Variants in TRIM37 observed in about 807,000 individuals in gnomAD.
TRIM37 encodes E3 ubiquitin-protein ligase TRIM37.
A neutral mutation model predicts 129.8 loss-of-function variants in TRIM37; 80 were observed. The observed-to-expected ratio is 0.62, with a 90% confidence interval of 0.51 to 0.74. The LOEUF (loss-of-function observed/expected upper bound fraction) is 0.74, where lower values mean the gene tolerates loss of function less well. Ranked by LOEUF, TRIM37 falls within the 30% of genes least tolerant of loss-of-function variation. TRIM37 has a pLI of 0.00. For missense variants in TRIM37, 1,054 were observed against 1,176.5 expected (o/e 0.90, Z 1.52); for synonymous variants, 389 against 387.1 (o/e 1.00, Z -0.06).
chr17:58,970,019 G>A, the TRIM37 span, among the ~76,000 whole-genome samples: 1 of 152,090 alleles, frequency 6.6e-6, no homozygotes, highest in African/African-American at 2.4e-5. Context: ...ATTCACCATT[G>A]CCTGTCAGGT....
chr17:59,093,497 T>C (rs1249405236), intron 2 of TRIM37, among the ~76,000 whole-genome samples: 3 of 152,232 alleles, frequency 2.0e-5, no homozygotes, highest in African/African-American at 7.2e-5. Flanking sequence ...TCCAAAAAGC[T>C]TTCCCTGACA....
chr17:59,058,334 G>C (rs867913328), intron 12 of TRIM37, among the ~76,000 whole-genome samples: 8 of 152,156 alleles, frequency 5.3e-5, no homozygotes, highest in African/African-American at 1.7e-4. Flanking sequence ...TAAATGATGA[G>C]AACTTATGAA....
At chr17:59,069,260 T>C (rs1468969422) in intron 9 of TRIM37, among the ~76,000 whole-genome samples, 6 of 151,838 alleles carry the variant, frequency 4.0e-5, no homozygotes, top group African/African-American at 1.2e-4. Context: ...GGTGTGAGAA[T>C]TGCTTGAATC....
In TRIM37 at chr17:59,057,082, T is replaced by C. The variant is rs758819924; in HGVS notation, c.1020-28A>G. On this transcript the variant is annotated intron_variant, in intron 12 of 23. Transcript: ENST00000262294. The stretch of plus-strand genomic sequence containing the variant: ...AAAATTGAAAAACAGACCATTACTA[T>C]ACAGTTAGTAAAGTAAGAATAAAAA... 7 of 1,596,042 alleles carry C rather than the reference T, an allele frequency of 4.4e-6. No individual in the cohort carries two copies. The Middle Eastern group carries it at 5.0e-4, about 114-fold the overall frequency.
At chr17:58,991,245 A>G (rs1019915899) in intron 24 of TRIM37, among the ~76,000 whole-genome samples, 5 of 151,758 alleles carry the variant, frequency 3.3e-5, no homozygotes, top group African/African-American at 1.2e-4. Context: ...CTAAACAGTT[A>G]AAGAATAAGG....
chr17:58,980,765 T>C, downstream of TRIM37: 2 of 1,614,156 alleles, frequency 1.2e-6, no homozygotes, highest in Middle Eastern at 1.6e-4. This position sits in a 1 kb window ranked among gnomAD's most constrained non-coding sequence, Gnocchi z 4.7. Flanking sequence ...TTCTAGATTG[T>C]CTCATTTACG....
chr17:59,046,265 T>G (rs557441389), intron 16 of TRIM37, among the ~76,000 whole-genome samples: 1 of 152,114 alleles, frequency 6.6e-6, no homozygotes, highest in Admixed American at 6.6e-5. Flanking sequence ...TTATTAATTA[T>G]AAAGGAAAAA....
intron 19 of TRIM37, among the ~76,000 whole-genome samples, chr17:59,024,229 A>G (rs1477738706): frequency 6.6e-6 from 1 of 151,716 alleles, no homozygotes; most frequent in Non-Finnish European, 1.5e-5. Context: ...AAAAAAAAAA[A>G]AAAAAAAAAA....
chr17:58,985,748 G>A (rs1438600519), intron 24 of TRIM37, among the ~76,000 whole-genome samples: 1 of 152,128 alleles, frequency 6.6e-6, no homozygotes, highest in African/African-American at 2.4e-5. Context: ...CTGTTCTCCT[G>A]CCTACCAGTA....
chr17:59,104,499 T>A (rs1169212506), intron 1 of TRIM37, 105 bp from the exon 2 acceptor site: 2 of 1,024,520 alleles, frequency 2.0e-6, no homozygotes, highest in African/African-American at 3.1e-5. Flanking sequence ...TGGGCTGATC[T>A]CTCAATTTTA....
At chr17:58,984,996 G>A (rs774693868) in intron 24 of TRIM37, 4 of 152,600 alleles carry the variant, frequency 2.6e-5, no homozygotes, top group African/African-American at 9.7e-5. Flanking sequence ...GGAGTGAAGC[G>A]AATGAAGTGA....
chr17:59,081,964 A>AATAATAATAATAAT (rs1555688978), intron 5 of TRIM37, among the ~76,000 whole-genome samples: 4 of 87,226 alleles, frequency 4.6e-5, no homozygotes, highest in African/African-American at 2.0e-4. Context: ...AAAAAAAAAA[A>AATAATAATAATAAT]AATAATAATA....
In TRIM37 at chr17:59,051,300, G is replaced by C. The variant is rs1212470990; in HGVS notation, c.1228C>G (p.Gln410Glu). 1 of 1,613,512 alleles carries C rather than the reference G, an allele frequency of 6.2e-7. No homozygotes were observed. Among genetic ancestry groups the C allele is most frequent in the Non-Finnish European group, 8.5e-7 (1 of 1,179,810 alleles). Reference protein sequence around the residue: ...RFQVRSPTFFQKSRDQHWYIT... With the variant: ...RFQVRSPTFFEKSRDQHWYIT... ...TACCAATGCTGGTCCCGGGATTTTT[G>C]AAAGAAAGTTGGTGAACGTACCTGA... The change falls in exon 14 of 24, where the codon CAA becomes GAA. Residue 410 changes from glutamine (Q) to glutamate (E), a missense_variant. By Grantham distance (29) the Gln-to-Glu change is conservative (BLOSUM62 2). Around this residue, in one of 3 missense-constraint regions of TRIM37, gnomAD observed 752 missense variants for 870.8 expected, o/e 0.86. Coordinates refer to ENST00000262294, the MANE Select transcript of TRIM37 (RefSeq NM_015294.6).
intron 2 of TRIM37, among the ~76,000 whole-genome samples, chr17:59,098,128 TAAAC>T (rs895583956): frequency 6.6e-6 from 1 of 152,048 alleles, no homozygotes; most frequent in Non-Finnish European, 1.5e-5. Context: ...GAGGTAGAAA[TAAAC>T]AAAAATATTT....
At chr17:59,025,414 C>G (rs1213162997) in intron 19 of TRIM37, among the ~76,000 whole-genome samples, 1 of 150,746 alleles carries the variant, frequency 6.6e-6, no homozygotes, top group Non-Finnish European at 1.5e-5. Flanking sequence ...ATATTCATGT[C>G]ATGAATGTTA....
chr17:59,050,481 C>T (rs2040228236), intron 14 of TRIM37, among the ~76,000 whole-genome samples: 2 of 148,260 alleles, frequency 1.3e-5, no homozygotes, highest in Non-Finnish European at 3.0e-5. Context: ...CTGCTTGAGC[C>T]CAGGAGTTCA....
At chr17:59,033,959 T>C (rs1227304211) in intron 17 of TRIM37, among the ~76,000 whole-genome samples, 2 of 151,494 alleles carry the variant, frequency 1.3e-5, no homozygotes, top group Admixed American at 6.6e-5. Flanking sequence ...TACAAAAGAA[T>C]AGCCAGGTGT....
chr17:59,042,718 G>T (rs1465047945), intron 16 of TRIM37, among the ~76,000 whole-genome samples: 1 of 151,474 alleles, frequency 6.6e-6, no homozygotes, highest in Non-Finnish European at 1.5e-5. Flanking sequence ...AGCCAAGATT[G>T]CACTACTGCA....
intron 2 of TRIM37, among the ~76,000 whole-genome samples, chr17:59,096,273 C>T (rs1008274988): frequency 6.6e-6 from 1 of 151,736 alleles, no homozygotes; most frequent in Non-Finnish European, 1.5e-5. Context: ...AAACATCAGC[C>T]GGGCACAGTG....
Sources: allele counts gnomAD v4.1 joint callset (sites outside exome capture counted in the v4.1 genomes callset), GRCh38; gene constraint gnomAD v4.1.1; regional missense constraint gnomAD v4.1.1; non-coding constraint Gnocchi (gnomAD v3.1); transcripts MANE v1.5; gene names NCBI Gene and HGNC (gene_info 2026-07-23, HGNC 2026-07-21).